Variants in ABHD5 observed in about 807,000 individuals in gnomAD.
The protein encoded by ABHD5 is abhydrolase domain containing 5, lysophosphatidic acid acyltransferase, also known as 1-acylglycerol-3-phosphate O-acyltransferase ABHD5.
A neutral mutation model predicts 44.9 loss-of-function variants in ABHD5; 30 were observed. The observed-to-expected ratio is 0.67, with a 90% CI of 0.50 to 0.91. ABHD5 has a LOEUF of 0.91. Ranked by LOEUF, ABHD5 falls within the 40% of genes least tolerant of loss-of-function variation. ABHD5 has a pLI of 0.00. For synonymous variants in ABHD5, 167 were observed against 147.0 expected (o/e 1.14, Z -0.99); for missense variants, 399 against 423.4 (o/e 0.94, Z 0.50).
At chr3:43,693,031 C>T (rs1412446152) in intron 1 of ABHD5, among the ~76,000 whole-genome samples, 1 of 152,198 alleles carries the variant, frequency 6.6e-6, no homozygotes, top group African/African-American at 2.4e-5. Flanking sequence ...TTGCTTTCAA[C>T]ATCCAACCCC....
At chr3:43,710,880 C>T (rs879890202) in intron 3 of ABHD5, among the ~76,000 whole-genome samples, 4 of 152,136 alleles carry the variant, frequency 2.6e-5, no homozygotes, top group Non-Finnish European at 5.9e-5. Context: ...AAGCATGATG[C>T]AGCTATGTGG....
chr3:43,700,353 C>A (rs2084526431), intron 2 of ABHD5, among the ~76,000 whole-genome samples: 1 of 151,966 alleles, frequency 6.6e-6, no homozygotes, highest in Non-Finnish European at 1.5e-5. Flanking sequence ...AGTAGTGGTA[C>A]TTATTGTGCA....
At chr3:43,695,704 C>T (rs941078715) in intron 1 of ABHD5, among the ~76,000 whole-genome samples, 5 of 152,136 alleles carry the variant, frequency 3.3e-5, no homozygotes, top group Non-Finnish European at 7.4e-5. Context: ...TACCAGGAAA[C>T]TTAAGTGTTG....
chr3:43,715,117 G>A, intron 5 of ABHD5, 59 bp downstream of exon 5: 2 of 1,124,232 alleles, frequency 1.8e-6, no homozygotes, highest in Admixed American at 2.1e-5. Flanking sequence ...GTGTGTGTGT[G>A]TGTTTGTGTG....
In ABHD5 at chr3:43,717,695, G is replaced by A. The variant is rs1030871913; in HGVS notation, c.798G>A (p.Met266Ile). The A allele has an allele frequency of 6.2e-6, 10 of 1,614,178 alleles. No individual in the cohort carries two copies. Among genetic ancestry groups the A allele is most frequent in the East Asian group, 2.2e-5 (1 of 44,880 alleles). Residue 266 changes from methionine (M) to isoleucine (I), a missense_variant, in exon 6 of 7, where the codon ATG becomes ATA. Met to Ile is a conservative substitution (Grantham distance 10, BLOSUM62 1). Transcript: ENST00000644371. Reference protein sequence around the residue: ...TPSGETAFKNMTIPYGWAKRP... With the variant: ...TPSGETAFKNITIPYGWAKRP... ...GTGGTGAGACAGCTTTCAAGAATAT[G>A]ACTATTCCTTATGGATGGGCAAAAA...
intron 1 of ABHD5, among the ~76,000 whole-genome samples, chr3:43,695,380 T>G (rs2084460863): frequency 6.6e-6 from 1 of 152,200 alleles, no homozygotes; most frequent in Non-Finnish European, 1.5e-5. Context: ...GCCTCATGGT[T>G]TCTTTAAATG....
At chr3:43,694,338 A>T (rs1249673477) in intron 1 of ABHD5, among the ~76,000 whole-genome samples, 7 of 149,678 alleles carry the variant, frequency 4.7e-5, no homozygotes, top group Non-Finnish European at 1.0e-4. Flanking sequence ...ACTAATTGTT[A>T]GATTATTAGT....
At chr3:43,695,727 A>G (rs1559409365) in intron 1 of ABHD5, among the ~76,000 whole-genome samples, 1 of 152,256 alleles carries the variant, frequency 6.6e-6, no homozygotes, top group Non-Finnish European at 1.5e-5. Flanking sequence ...AGTATGGAGT[A>G]TAAGTATGAC....
At chr3:43,697,136 G>A (rs1276356791) in intron 1 of ABHD5, among the ~76,000 whole-genome samples, 1 of 152,194 alleles carries the variant, frequency 6.6e-6, no homozygotes, top group Non-Finnish European at 1.5e-5. Context: ...AGGTAGGCAT[G>A]ATTCTTCCAT....
rs553489557 is a variant in ABHD5 at position 43,709,225 on chromosome 3, T to A, written c.507-2484T>A. Among the ~76,000 whole-genome samples the A allele has an allele frequency of 9.6e-4, 145 of 150,330 alleles. 1 individual carries two copies. Among genetic ancestry groups the A allele is most frequent in the African/African-American group, 3.6e-3 (142 of 39,836 alleles). On this transcript the variant is annotated intron_variant, in intron 3 of 6. Transcript: ENST00000644371. ...TTATGAAGACATAGAATTGAGCAATTGTAGGGACAGTAGAATTGAGCAATT... is the reference window on the plus strand; with the variant it reads ...TTATGAAGACATAGAATTGAGCAATAGTAGGGACAGTAGAATTGAGCAATT...
At chr3:43,710,408 G>T (rs79599436) in intron 3 of ABHD5, among the ~76,000 whole-genome samples, 3 of 152,140 alleles carry the variant, frequency 2.0e-5, no homozygotes, top group African/African-American at 7.2e-5. Flanking sequence ...ATTCCTTGTC[G>T]GCATCTGCTG....
At chr3:43,722,793 A>G (rs1258641566), downstream of ABHD5, 1 of 152,250 alleles carries the variant, frequency 6.6e-6, no homozygotes, top group African/African-American at 2.4e-5. Context: ...GTTAAAACAA[A>G]TATTTACTTG....
chr3:43,714,165 C>T (rs1426491685), intron 4 of ABHD5, among the ~76,000 whole-genome samples: 4 of 143,202 alleles, frequency 2.8e-5, no homozygotes, highest in Non-Finnish European at 4.5e-5. Context: ...GACGGAGTCT[C>T]GCTCTGTCGC....
At chr3:43,691,732 T>C (rs577529700) in intron 1 of ABHD5, 44 of 152,296 alleles carry the variant, frequency 2.9e-4, no homozygotes, top group African/African-American at 9.6e-4. Context: ...GCCCTTAAGA[T>C]AGAGATACAC....
chr3:43,725,160 A>G (rs184010735), downstream of ABHD5, among the ~76,000 whole-genome samples: 225 of 152,224 alleles, frequency 1.5e-3, 1 homozygote, highest in African/African-American at 5.3e-3. Flanking sequence ...TAACTAAGAA[A>G]CACAGCCCCA....
intron 7 of ABHD5, among the ~76,000 whole-genome samples, chr3:43,730,860 G>A (rs904680217): frequency 2.1e-4 from 31 of 150,856 alleles, no homozygotes; most frequent in Middle Eastern, 3.5e-3. Context: ...ACGGAGTCTC[G>A]ATCTGTTGCC....
At chr3:43,696,875 A>G (rs1268501361) in intron 1 of ABHD5, among the ~76,000 whole-genome samples, 1 of 152,170 alleles carries the variant, frequency 6.6e-6, no homozygotes, top group Admixed American at 6.5e-5. Flanking sequence ...TTTGTTAAAT[A>G]TATATTTTTC....
In ABHD5 at chr3:43,718,851, G is replaced by T; in HGVS notation, c.*319G>T. On this transcript the variant is annotated 3_prime_UTR_variant, in exon 7 of 7. Coordinates refer to ENST00000644371, the MANE Select transcript of ABHD5 (RefSeq NM_016006.6). Reference sequence around the variant, plus strand: ...GCTGAAAATTTTTTAATCTAACTTTGCTAGTTATTTTTATATTGCAATCTA... The same window carrying T: ...GCTGAAAATTTTTTAATCTAACTTTTCTAGTTATTTTTATATTGCAATCTA... 3.4e-6 allele frequency: 1 copy of T among 293,478 alleles called. No individual in the cohort carries two copies. Among genetic ancestry groups the T allele is most frequent in the South Asian group, 4.2e-5 (1 of 23,834 alleles). 18.2% of individuals were successfully genotyped at this position (293,478 alleles called of 1,614,324 possible).
rs140733773 is a variant in ABHD5 at position 43,691,037 on chromosome 3, G to A, written c.45G>A (p.Glu15=). ...EEEVDSADTG[E]RSGWLTGWLP... ...AGGTGGACTCTGCCGACACCGGAGA[G>A]AGGTAAGCGCAGCCGGCAGGGGGCT... The change falls in exon 1 of 7, where the codon GAG becomes GAA. Residue 15 remains glutamate, a splice_region_variant and synonymous_variant. Transcript: ENST00000644371. The A allele has an allele frequency of 1.7e-5, 27 of 1,558,910 alleles. No individual in the cohort carries two copies. The South Asian group carries it at 2.7e-4, about 15-fold the overall frequency.
Sources: allele counts gnomAD v4.1 joint callset (sites outside exome capture counted in the v4.1 genomes callset), GRCh38; gene constraint gnomAD v4.1.1; transcripts MANE v1.5; gene names NCBI Gene and HGNC (gene_info 2026-07-23, HGNC 2026-07-21).